Variants in ULK4 observed in about 807,000 individuals in gnomAD.
ULK4 encodes the protein inactive serine/threonine-protein kinase ULK4.
In ULK4, 133 loss-of-function variants were observed where a neutral mutation model predicts 160.6. The ratio of observed to expected loss-of-function variants is 0.83; its 90% CI spans 0.72 to 0.96. The LOEUF (loss-of-function observed/expected upper bound fraction) is 0.96, where lower values mean the gene tolerates loss of function less well. Ranked by LOEUF, ULK4 falls within the 40% of genes least tolerant of loss-of-function variation. The pLI is 0.00. For missense variants in ULK4, 1,580 were observed against 1,499.5 expected, an observed-to-expected ratio of 1.05 and a Z score of -0.89; for synonymous variants, 534 against 539.8, an observed-to-expected ratio of 0.99 and a Z score of 0.15.
intron 12 of ULK4, among the ~76,000 whole-genome samples, chr3:41,901,249 G>A (rs1410974059): frequency 1.4e-5 from 2 of 145,160 alleles, no homozygotes; most frequent in East Asian, 2.0e-4. Flanking sequence ...GCGTGATCTC[G>A]GCTCACTACA....
chr3:41,822,512 A>G (rs1047528639), intron 18 of ULK4, among the ~76,000 whole-genome samples: 2 of 150,480 alleles, frequency 1.3e-5, no homozygotes, highest in African/African-American at 4.9e-5. Flanking sequence ...CCACCTCCTA[A>G]GTTCAAGTAA....
chr3:41,771,824 T>C (rs73828259), intron 21 of ULK4, among the ~76,000 whole-genome samples: 1 of 152,294 alleles, frequency 6.6e-6, no homozygotes, highest in East Asian at 1.9e-4. Flanking sequence ...AATTATGGAA[T>C]GTTTCAAACA....
intron 35 of ULK4, among the ~76,000 whole-genome samples, chr3:41,341,546 T>G (rs1443566351): frequency 2.0e-5 from 3 of 152,174 alleles, no homozygotes; most frequent in South Asian, 4.1e-4. Flanking sequence ...CCACTGGCCT[T>G]GAATAATGGA....
chr3:41,459,767 A>G (rs1013020529), intron 33 of ULK4, among the ~76,000 whole-genome samples: 14 of 152,166 alleles, frequency 9.2e-5, no homozygotes, highest in Non-Finnish European at 1.6e-4. Context: ...GTGACAAAGC[A>G]CAGCATCCAC....
intron 17 of ULK4, among the ~76,000 whole-genome samples, chr3:41,856,061 T>C (rs369584882): frequency 6.6e-6 from 1 of 152,196 alleles, no homozygotes; most frequent in Admixed American, 6.5e-5. Context: ...AATTCTTTGA[T>C]GTGAGATGTT....
chr3:41,742,270 C>A (rs1287615693), intron 22 of ULK4, among the ~76,000 whole-genome samples: 2 of 151,924 alleles, frequency 1.3e-5, no homozygotes, highest in African/African-American at 4.9e-5. Flanking sequence ...TAACAGTTAC[C>A]CAATTCCCCT....
At position 41,899,951 on chromosome 3, in the gene ULK4, A is replaced by G. The variant is rs181909767; in HGVS notation, c.1287+774T>C. Among the ~76,000 whole-genome samples the G allele has an allele frequency of 2.3e-3, 351 of 152,320 alleles. 3 individuals are homozygous for G. The highest frequency in any genetic ancestry group is 1.7e-3 in the Non-Finnish European group (119 of 68,034). ...ACAGTAACGTTCCCAATGAGATAAG[A>G]AAAAAGAGTCATGAATTAATACAGA... On this transcript the variant is annotated intron_variant, in intron 13 of 36. Transcript: ENST00000301831.
intron 27 of ULK4, among the ~76,000 whole-genome samples, chr3:41,688,387 C>T (rs2036169195): frequency 6.6e-6 from 1 of 152,052 alleles, no homozygotes; most frequent in African/African-American, 2.4e-5. Flanking sequence ...AACCCCCATC[C>T]CTAAAAAATG....
chr3:41,782,898 T>G (rs2039896100), intron 21 of ULK4, among the ~76,000 whole-genome samples: 1 of 152,186 alleles, frequency 6.6e-6, no homozygotes. Context: ...TAAATGATCG[T>G]ATATCATAAC....
intron 30 of ULK4, among the ~76,000 whole-genome samples, chr3:41,647,253 G>A (rs2034538226): frequency 6.6e-6 from 1 of 152,228 alleles, no homozygotes; most frequent in Admixed American, 6.5e-5. Context: ...CATTCCTTTG[G>A]AGGAGGAGAG....
chr3:41,802,720 A>G (rs991235030), intron 19 of ULK4, among the ~76,000 whole-genome samples: 1 of 152,204 alleles, frequency 6.6e-6, no homozygotes, highest in Non-Finnish European at 1.5e-5. Context: ...ATTCTGGTGT[A>G]AGGTTCTTAG....
chr3:41,640,709 A>C (rs1481668791), intron 30 of ULK4, among the ~76,000 whole-genome samples: 1 of 152,248 alleles, frequency 6.6e-6, no homozygotes, highest in East Asian at 1.9e-4. Flanking sequence ...TCAATATTCT[A>C]GATATATATG....
At chr3:41,789,377 A>G (rs1477490627) in intron 21 of ULK4, among the ~76,000 whole-genome samples, 1 of 152,200 alleles carries the variant, frequency 6.6e-6, no homozygotes, top group Admixed American at 6.5e-5. Flanking sequence ...TTGGTGAGGC[A>G]TAAGAAATGC....
At chr3:41,563,583 G>A (rs1465973392) in intron 32 of ULK4, among the ~76,000 whole-genome samples, 3 of 151,992 alleles carry the variant, frequency 2.0e-5, no homozygotes, top group African/African-American at 7.3e-5. Context: ...CTCTAAACTT[G>A]TCTTCTCGCT....
intron 32 of ULK4, among the ~76,000 whole-genome samples, chr3:41,484,744 G>A (rs543531178): frequency 1.5e-3 from 222 of 152,212 alleles, no homozygotes; most frequent in South Asian, 4.1e-4. Context: ...GAGCCACCGC[G>A]CCCGGCCCGA....
intron 29 of ULK4, among the ~76,000 whole-genome samples, chr3:41,665,246 C>G (rs1303691748): frequency 6.6e-6 from 1 of 151,972 alleles, no homozygotes; most frequent in African/African-American, 2.4e-5. Flanking sequence ...GCCTGTAAGC[C>G]CACAACCATT....
At chr3:41,644,335 T>G (rs578004688) in intron 30 of ULK4, among the ~76,000 whole-genome samples, 1 of 152,054 alleles carries the variant, frequency 6.6e-6, no homozygotes, top group East Asian at 1.9e-4. Flanking sequence ...GGGTTTGTCA[T>G]AGATAGCTCT....
chr3:41,494,709 G>C (rs1258572255), intron 32 of ULK4, among the ~76,000 whole-genome samples: 1 of 152,076 alleles, frequency 6.6e-6, no homozygotes, highest in Non-Finnish European at 1.5e-5. Context: ...ATCTCCTTAA[G>C]CTGATAAGCA....
chr3:41,537,011 A>C (rs779001064), intron 32 of ULK4, among the ~76,000 whole-genome samples: 1 of 152,178 alleles, frequency 6.6e-6, no homozygotes, highest in Non-Finnish European at 1.5e-5. Context: ...CTACTGTCAG[A>C]TTGTTTAATG....
Sources: gnomAD v4.1 joint callset for allele counts (sites outside exome capture counted in the v4.1 genomes callset) on GRCh38, gnomAD v4.1.1 for gene constraint, MANE v1.5 for transcripts, NCBI Gene and HGNC (gene_info 2026-07-23, HGNC 2026-07-21) for gene names.